Variants in GRIK2 observed in about 807,000 individuals in gnomAD.
The protein encoded by GRIK2 is glutamate receptor ionotropic, kainate 2.
Under a neutral mutation model 100.3 loss-of-function variants are expected in GRIK2, and 32 were observed. That is an observed-to-expected ratio of 0.32 (90% CI 0.24 to 0.43). The LOEUF (loss-of-function observed/expected upper bound fraction) is 0.43, where lower values mean the gene tolerates loss of function less well. GRIK2 is among the 20% of genes least tolerant of loss of function. The pLI is 1.00. For missense variants in GRIK2, 843 were observed against 1,114.9 expected, an observed-to-expected ratio of 0.76 and a Z score of 3.47; for synonymous variants, 417 against 389.4, an observed-to-expected ratio of 1.07 and a Z score of -0.83.
intron 12 of GRIK2, among the ~76,000 whole-genome samples, chr6:101,902,129 A>G (rs959475747): frequency 6.6e-5 from 10 of 152,020 alleles, no homozygotes; most frequent in Admixed American, 2.0e-4. Flanking sequence ...GCCAATTTTC[A>G]TAGTTTAAAT....
intron 14 of GRIK2, among the ~76,000 whole-genome samples, chr6:101,946,751 G>T (rs1005198752): frequency 2.0e-5 from 3 of 152,116 alleles, no homozygotes; most frequent in Non-Finnish European, 4.4e-5. Context: ...GGACTGGAGG[G>T]TGTTTAAAAG....
chr6:101,484,788 C>G (rs1772729318), intron 2 of GRIK2, among the ~76,000 whole-genome samples: 1 of 151,632 alleles, frequency 6.6e-6, no homozygotes, highest in Non-Finnish European at 1.5e-5. Context: ...TTCAATGATT[C>G]CTGTTTTATT....
In GRIK2 at chr6:101,905,115, G is replaced by A. The variant is rs182053386; in HGVS notation, c.1748+15252G>A. Among the ~76,000 whole-genome samples the A allele has an allele frequency of 1.3e-4, 20 of 151,668 alleles. No homozygotes were observed. The East Asian group carries it at 3.9e-3, about 29-fold the overall frequency. On this transcript the variant is annotated intron_variant, in intron 12 of 16. Transcript: ENST00000369134. ...GAGAAGTAGTGAATTCAGTTCATAT[G>A]TGAGTCTAGAGTGTCTAAAACTTGA...
chr6:101,802,420 GGAA>G lies in GRIK2; in HGVS notation c.1190_1192del (p.Glu397del). On this transcript the variant is annotated inframe_deletion, in exon 9 of 17. Coordinates refer to ENST00000369134, the MANE Select transcript of GRIK2 (RefSeq NM_021956.5). ...TTGATTTGGATGTGATCAGTCTGAA[GGAA>G]GAAGGTCTAGAAAAGGTATTTCAGT... The G allele has an allele frequency of 1.3e-6, 2 of 1,545,912 alleles. No individual in the cohort carries two copies. Among genetic ancestry groups the G allele is most frequent in the Non-Finnish European group, 8.8e-7 (1 of 1,133,902 alleles).
At chr6:102,022,881 ATCTT>A (rs1769504872) in intron 14 of GRIK2, among the ~76,000 whole-genome samples, 1 of 151,506 alleles carries the variant, frequency 6.6e-6, no homozygotes, top group African/African-American at 2.4e-5. Flanking sequence ...CATGTTTTCT[ATCTT>A]AAGAGTAACA....
At chr6:101,794,824 A>G (rs986552054) in intron 7 of GRIK2, among the ~76,000 whole-genome samples, 9 of 145,974 alleles carry the variant, frequency 6.2e-5, no homozygotes, top group Non-Finnish European at 1.2e-4. Context: ...TTCTGTCCTT[A>G]TGTTGATATC....
chr6:101,814,320 T>C (rs1781505523), intron 9 of GRIK2, among the ~76,000 whole-genome samples: 1 of 151,898 alleles, frequency 6.6e-6, no homozygotes, highest in South Asian at 2.1e-4. Context: ...AAATGAGAAA[T>C]ATGTTGAAAG....
intron 7 of GRIK2, among the ~76,000 whole-genome samples, chr6:101,714,935 C>G (rs1296387076): frequency 6.6e-6 from 1 of 151,522 alleles, no homozygotes; most frequent in African/African-American, 2.4e-5. Flanking sequence ...AACAAATACA[C>G]TCTTATAAAA....
chr6:102,033,023 T>C (rs1397937144), intron 14 of GRIK2, among the ~76,000 whole-genome samples: 1 of 151,270 alleles, frequency 6.6e-6, no homozygotes, highest in Non-Finnish European at 1.5e-5. Context: ...GTTTGAGTCC[T>C]GGTTTTGCCA....
intron 7 of GRIK2, among the ~76,000 whole-genome samples, chr6:101,698,505 C>T (rs1353934584): frequency 6.6e-6 from 1 of 152,044 alleles, no homozygotes; most frequent in African/African-American, 2.4e-5. Context: ...CATTAATCTT[C>T]AGAATGCCCT....
intron 14 of GRIK2, among the ~76,000 whole-genome samples, chr6:101,957,516 A>G (rs1792017151): frequency 6.6e-6 from 1 of 151,332 alleles, no homozygotes. Flanking sequence ...TACTGTGCAG[A>G]CACTTTCTAG....
intron 7 of GRIK2, among the ~76,000 whole-genome samples, chr6:101,760,546 T>TA (rs1364841531): frequency 2.2e-5 from 2 of 90,428 alleles, no homozygotes; most frequent in African/African-American, 1.0e-4. Flanking sequence ...TAATTATATA[T>TA]TTATTATATA....
chr6:101,957,072 C>G (rs1791983946), intron 14 of GRIK2, among the ~76,000 whole-genome samples: 2 of 151,866 alleles, frequency 1.3e-5, no homozygotes, highest in African/African-American at 4.8e-5. Flanking sequence ...AACCTCTATA[C>G]TGTTTTCCAC....
chr6:101,732,051 C>T (rs1775308192), intron 7 of GRIK2, among the ~76,000 whole-genome samples: 1 of 151,930 alleles, frequency 6.6e-6, no homozygotes, highest in Admixed American at 6.6e-5. Context: ...AAATCCTAAA[C>T]ACAAAAATTA....
chr6:101,843,533 A>C (rs186874823), intron 10 of GRIK2, among the ~76,000 whole-genome samples: 4 of 152,296 alleles, frequency 2.6e-5, no homozygotes, highest in Non-Finnish European at 5.9e-5. Context: ...AAAATGAGGG[A>C]TCTCTTGTTG....
chr6:101,943,512 AGCTGCAGAG>A (rs1350158669), intron 14 of GRIK2, among the ~76,000 whole-genome samples: 1 of 152,212 alleles, frequency 6.6e-6, no homozygotes, highest in Admixed American at 6.5e-5. Flanking sequence ...CCGTGAAAGC[AGCTGCAGAG>A]GCTGTACCCT....
At chr6:101,622,137 A>G (rs1780193868) in intron 3 of GRIK2, 21 bp downstream of exon 3, 1 of 1,447,700 alleles carries the variant, frequency 6.9e-7, no homozygotes, top group South Asian at 1.2e-5. Context: ...GATTTTTAAC[A>G]TCTTTGTTTC....
intron 2 of GRIK2, among the ~76,000 whole-genome samples, chr6:101,407,749 T>TA (rs1421520949): frequency 2.0e-5 from 3 of 152,204 alleles, no homozygotes; most frequent in Non-Finnish European, 4.4e-5. Context: ...AACAGAATTC[T>TA]AAGACTTAGC....
At chr6:101,433,566 C>T (rs1449932062) in intron 2 of GRIK2, among the ~76,000 whole-genome samples, 1 of 152,062 alleles carries the variant, frequency 6.6e-6, no homozygotes, top group Non-Finnish European at 1.5e-5. Flanking sequence ...TTTATGTTGT[C>T]TGATCTGATG....
Sources: allele counts gnomAD v4.1 joint callset (sites outside exome capture counted in the v4.1 genomes callset), GRCh38; gene constraint gnomAD v4.1.1; transcripts MANE v1.5; gene names NCBI Gene and HGNC (gene_info 2026-07-23, HGNC 2026-07-21).